HCN1: variants seen among roughly 807,000 people sequenced by gnomAD.
The protein encoded by HCN1 is hyperpolarization activated cyclic nucleotide gated potassium channel 1, also known as potassium/sodium hyperpolarization-activated cyclic nucleotide-gated channel 1.
A neutral mutation model predicts 78.9 loss-of-function variants in HCN1; 13 were observed. That is an observed-to-expected ratio of 0.16 (90% CI 0.11 to 0.26). The LOEUF (loss-of-function observed/expected upper bound fraction) is 0.26, where lower values mean the gene tolerates loss of function less well. HCN1 is among the 10% of genes least tolerant of loss of function. The pLI is 1.00. For synonymous variants in HCN1, 552 were observed against 455.5 expected (o/e 1.21, Z -2.70); for missense variants, 810 against 1,154.3 (o/e 0.70, Z 4.32).
chr5:45,374,281 T>TA (rs1188941371), intron 4 of HCN1, among the ~76,000 whole-genome samples: 3 of 103,836 alleles, frequency 2.9e-5, no homozygotes, highest in African/African-American at 5.3e-5. Flanking sequence ...ATTATATACA[T>TA]TATATACATT....
rs191447382 is a variant in HCN1 at position 45,607,420 on chromosome 5, T to C, written c.849+37765A>G. On this transcript the variant is annotated intron_variant, in intron 2 of 7. Coordinates refer to ENST00000303230, the MANE Select transcript of HCN1 (RefSeq NM_021072.4). ...AATAATAGCACACCAAAATGGTTAA[T>C]AAAAGAAGCATAAGACATCAAGACC... Among the ~76,000 whole-genome samples, 159 of 151,628 alleles carry C rather than the reference T, an allele frequency of 1.0e-3. 2 individuals carry two copies. Among genetic ancestry groups the C allele is most frequent in the Middle Eastern group, 7.0e-3 (2 of 284 alleles).
At chr5:45,350,213 G>T (rs1006310975) in intron 5 of HCN1, among the ~76,000 whole-genome samples, 1 of 152,098 alleles carries the variant, frequency 6.6e-6, no homozygotes, top group Non-Finnish European at 1.5e-5. Context: ...TGCAAGGCTG[G>T]TTCAATATAT....
intron 2 of HCN1, among the ~76,000 whole-genome samples, chr5:45,507,676 G>A (rs1020766822): frequency 6.6e-6 from 1 of 152,034 alleles, no homozygotes; most frequent in African/African-American, 2.4e-5. Context: ...GGTGACCCAC[G>A]GATTACACGA....
chr5:45,340,400 T>C (rs141048215), intron 5 of HCN1, among the ~76,000 whole-genome samples: 2 of 152,320 alleles, frequency 1.3e-5, no homozygotes, highest in African/African-American at 4.8e-5. Flanking sequence ...GAGATTTTAT[T>C]CTGGAATCCT....
At chr5:45,289,410 T>C (rs1428898154) in intron 6 of HCN1, among the ~76,000 whole-genome samples, 1 of 152,094 alleles carries the variant, frequency 6.6e-6, no homozygotes, top group Non-Finnish European at 1.5e-5. Context: ...GTGTGCCTTC[T>C]CAGAGACATT....
chr5:45,576,073 C>T (rs1743935857), intron 2 of HCN1: 1 of 151,938 alleles, frequency 6.6e-6, no homozygotes, highest in African/African-American at 2.4e-5. Context: ...GAAGTTGATT[C>T]TAACCACCAT....
intron 1 of HCN1, among the ~76,000 whole-genome samples, chr5:45,658,442 G>C (rs941714607): frequency 6.6e-6 from 1 of 152,124 alleles, no homozygotes; most frequent in Non-Finnish European, 1.5e-5. Flanking sequence ...ACCATCAGAG[G>C]GGGAGGAGCC....
chr5:45,526,007 G>A (rs1466175975), intron 2 of HCN1, among the ~76,000 whole-genome samples: 8 of 151,918 alleles, frequency 5.3e-5, no homozygotes, highest in African/African-American at 1.5e-4. Flanking sequence ...ACAGTGAGAA[G>A]TTGGCAGTCG....
intron 5 of HCN1, among the ~76,000 whole-genome samples, chr5:45,350,303 G>T (rs915605953): frequency 5.9e-5 from 9 of 152,198 alleles, no homozygotes; most frequent in Non-Finnish European, 1.0e-4. Context: ...ATGCAGAAAA[G>T]GCCTTTGACA....
intron 5 of HCN1, among the ~76,000 whole-genome samples, chr5:45,308,893 T>C (rs546842051): frequency 6.6e-6 from 1 of 152,160 alleles, no homozygotes; most frequent in Admixed American, 6.6e-5. Context: ...TTTTTTCTAG[T>C]TCTGTGAAGA....
intron 1 of HCN1, among the ~76,000 whole-genome samples, chr5:45,665,576 C>A (rs1214926819): frequency 6.6e-6 from 1 of 151,882 alleles, no homozygotes; most frequent in African/African-American, 2.4e-5. Context: ...GAAATAAATT[C>A]TCAGACTCTT....
intron 4 of HCN1, among the ~76,000 whole-genome samples, chr5:45,358,221 C>A (rs1747041702): frequency 6.6e-6 from 1 of 151,920 alleles, no homozygotes; most frequent in Admixed American, 6.6e-5. Flanking sequence ...GTATAATAAC[C>A]ATCACGAGCT....
At chr5:45,668,380 C>G (rs1156277349) in intron 1 of HCN1, among the ~76,000 whole-genome samples, 1 of 151,714 alleles carries the variant, frequency 6.6e-6, no homozygotes, top group Non-Finnish European at 1.5e-5. Flanking sequence ...TGTAGCACCT[C>G]CTCCCTCAAT....
rs531467679 is a variant in HCN1, at chr5:45,406,384, G to T, written c.1012-9674C>A. 1.3e-3 allele frequency among the ~76,000 whole-genome samples: 205 copies of T among 152,252 alleles called. 1 individual carries two copies. The highest frequency in any genetic ancestry group is 2.1e-3 in the Non-Finnish European group (140 of 68,014). On this transcript the variant is annotated intron_variant, in intron 3 of 7. Transcript: ENST00000303230. ...ATAGAAGAAATCAGCATACACTGAG[G>T]ACTTATTTACTGCAAGGTACTATTA...
chr5:45,635,190 A>G (rs1425414281), intron 2 of HCN1, among the ~76,000 whole-genome samples: 1 of 152,074 alleles, frequency 6.6e-6, no homozygotes, highest in Non-Finnish European at 1.5e-5. Context: ...TAGACTTTCA[A>G]TTTTAGAGTT....
chr5:45,501,244 T>C (rs944106630), intron 2 of HCN1, among the ~76,000 whole-genome samples: 2 of 152,128 alleles, frequency 1.3e-5, no homozygotes, highest in Non-Finnish European at 2.9e-5. Flanking sequence ...TAATATTTTA[T>C]TTATCATTAT....
At chr5:45,613,125 G>A (rs2111981779) in intron 2 of HCN1, among the ~76,000 whole-genome samples, 2 of 150,490 alleles carry the variant, frequency 1.3e-5, no homozygotes, top group Admixed American at 1.3e-4. Flanking sequence ...TCTAGCATTA[G>A]GTATATCTCC....
chr5:45,655,873 G>A (rs1415322729), intron 1 of HCN1, among the ~76,000 whole-genome samples: 1 of 152,108 alleles, frequency 6.6e-6, no homozygotes, highest in African/African-American at 2.4e-5. Context: ...CAGTTCAGAT[G>A]CTCTAAATGC....
chr5:45,498,332 C>A (rs1189759899), intron 2 of HCN1, among the ~76,000 whole-genome samples: 1 of 152,270 alleles, frequency 6.6e-6, no homozygotes, highest in African/African-American at 2.4e-5. Flanking sequence ...TCATTTCATT[C>A]ATTTCATGTT....
Sources: gnomAD v4.1 joint callset for allele counts (sites outside exome capture counted in the v4.1 genomes callset) on GRCh38, gnomAD v4.1.1 for gene constraint, MANE v1.5 for transcripts, NCBI Gene and HGNC (gene_info 2026-07-23, HGNC 2026-07-21) for gene names.